The following GRIN2B variants were observed in gnomAD, a reference collection of about 807,000 sequenced individuals.
GRIN2B encodes the protein glutamate ionotropic receptor NMDA type subunit 2B.
GRIN2B carries 5 observed loss-of-function variants against 114.5 expected under a neutral mutation model. That is an observed-to-expected ratio of 0.04 (90% CI 0.02 to 0.09). The LOEUF (loss-of-function observed/expected upper bound fraction) is 0.09. Among genes scored for constraint, GRIN2B ranks in the 10% least tolerant of loss-of-function variants. The pLI, the probability that GRIN2B is intolerant of heterozygous loss-of-function variation, is 1.00. For missense variants in GRIN2B, 1,108 were observed against 1,943.5 expected (o/e 0.57, Z 8.08); for synonymous variants, 787 against 745.1 (o/e 1.06, Z -0.92).
In GRIN2B at chr12:13,562,980, C is replaced by G; in HGVS notation, c.4258G>C (p.Asp1420His). The change falls in exon 14 of 14, where the codon GAC (aspartate) becomes CAC (histidine). Residue 1420 changes from aspartate (D) to histidine (H), a missense_variant. By Grantham distance (81) the Asp-to-His change is moderately conservative. This residue lies in a region of GRIN2B where 478 missense variants were observed against 506.0 expected (regional missense o/e 0.94). Coordinates refer to ENST00000609686, the MANE Select transcript of GRIN2B (RefSeq NM_000834.5). ...TTGTTGGTGACAAGGGCCCGGAAGTCCGGCCTGGCTTTCGACGCCCCCGCC... is the reference window on the plus strand; with the variant it reads ...TTGTTGGTGACAAGGGCCCGGAAGTGCGGCCTGGCTTTCGACGCCCCCGCC... ...TVAGASKARP[D>H]FRALVTNKPV... 1 of 1,613,812 alleles carries G rather than the reference C, an allele frequency of 6.2e-7. No individual in the cohort carries two copies. The highest frequency in any genetic ancestry group is 8.5e-7 in the Non-Finnish European group (1 of 1,179,738).
At chr12:13,846,691 C>T (rs1176964867) in intron 3 of GRIN2B, among the ~76,000 whole-genome samples, 1 of 152,044 alleles carries the variant, frequency 6.6e-6, no homozygotes, top group Admixed American at 6.6e-5. Context: ...ACGAAGGGCC[C>T]AGAAACAGTG....
At chr12:13,976,806 T>C (rs1863028556) in intron 2 of GRIN2B, among the ~76,000 whole-genome samples, 1 of 152,226 alleles carries the variant, frequency 6.6e-6, no homozygotes, top group African/African-American at 2.4e-5. Flanking sequence ...CCAGGGTTTA[T>C]TGTATTCATG....
intron 3 of GRIN2B, among the ~76,000 whole-genome samples, chr12:13,785,667 A>G (rs928372868): frequency 1.3e-5 from 2 of 152,208 alleles, no homozygotes; most frequent in Admixed American, 6.5e-5. Context: ...AACACCAACG[A>G]CAATATTAAG....
intron 3 of GRIN2B, among the ~76,000 whole-genome samples, chr12:13,843,610 T>C (rs1591763154): frequency 6.6e-6 from 1 of 152,164 alleles, no homozygotes; most frequent in Admixed American, 6.5e-5. Context: ...GAACAGCTGG[T>C]AGTTGATAAA....
At chr12:13,866,581 T>G (rs1865832569) in intron 2 of GRIN2B, among the ~76,000 whole-genome samples, 1 of 152,190 alleles carries the variant, frequency 6.6e-6, no homozygotes, top group African/African-American at 2.4e-5. Context: ...ACCCTTGTAC[T>G]GTTCTTGGGC....
rs565057806 is a variant in GRIN2B at position 13,852,877 on chromosome 12, A to T, written c.411+12921T>A. ...CCCCATTCTTACACCCAGAATGAAT[A>T]AAAAAACAGCACCCTGCCAATACCT... On this transcript the variant is annotated intron_variant, in intron 3 of 13. Coordinates refer to ENST00000609686, the MANE Select transcript of GRIN2B (RefSeq NM_000834.5). Among the ~76,000 whole-genome samples, 6 of 152,138 alleles carry T rather than the reference A, an allele frequency of 3.9e-5. No individual in the cohort carries two copies. In the East Asian group the frequency reaches 9.7e-4, roughly 25 times the overall value.
At chr12:13,918,295 CT>C (rs574196751) in intron 2 of GRIN2B, among the ~76,000 whole-genome samples, 11 of 152,164 alleles carry the variant, frequency 7.2e-5, no homozygotes, top group Non-Finnish European at 1.5e-4. Flanking sequence ...GTCCTAAATA[CT>C]CAGGAGACTG....
At chr12:13,875,120 T>C (rs914150912) in intron 2 of GRIN2B, among the ~76,000 whole-genome samples, 2 of 152,182 alleles carry the variant, frequency 1.3e-5, no homozygotes, top group East Asian at 1.9e-4. Context: ...CCCCCATTCA[T>C]GTATCCACGT....
chr12:13,600,164 G>T (rs1949136489), intron 10 of GRIN2B, among the ~76,000 whole-genome samples: 2 of 152,096 alleles, frequency 1.3e-5, no homozygotes, highest in Non-Finnish European at 2.9e-5. Flanking sequence ...ATACAGAGCA[G>T]ATCCAGGACA....
At chr12:13,784,526 G>A (rs909758470) in intron 3 of GRIN2B, among the ~76,000 whole-genome samples, 4 of 151,926 alleles carry the variant, frequency 2.6e-5, no homozygotes, top group African/African-American at 7.3e-5. Flanking sequence ...ATGTGACTTC[G>A]CTGTCTCCCC....
At chr12:13,915,419 C>T (rs1866699730) in intron 2 of GRIN2B, among the ~76,000 whole-genome samples, 1 of 152,158 alleles carries the variant, frequency 6.6e-6, no homozygotes, top group East Asian at 1.9e-4. Flanking sequence ...AAACCATTTG[C>T]TGACCTCACT....
intron 2 of GRIN2B, among the ~76,000 whole-genome samples, chr12:13,963,894 AAT>A (rs1422617220): frequency 2.6e-5 from 4 of 152,210 alleles, no homozygotes; most frequent in Non-Finnish European, 5.9e-5. Flanking sequence ...CCCAGGACAA[AAT>A]AGAGACAAAT....
At chr12:13,611,612 C>A in intron 9 of GRIN2B, 113 bp downstream of exon 9, 3 of 1,051,086 alleles carry the variant, frequency 2.9e-6, no homozygotes, top group Non-Finnish European at 4.5e-6. Context: ...CCTGAGGGTT[C>A]CTTTTCAGAA....
intron 2 of GRIN2B, among the ~76,000 whole-genome samples, chr12:13,929,106 C>A (rs1189994312): frequency 1.3e-5 from 2 of 152,206 alleles, no homozygotes; most frequent in Admixed American, 6.5e-5. Flanking sequence ...TTCAGTGTGT[C>A]TAGCACATAA....
At chr12:13,647,638 G>T (rs1185943786) in intron 5 of GRIN2B, among the ~76,000 whole-genome samples, 1 of 152,062 alleles carries the variant, frequency 6.6e-6, no homozygotes, top group Non-Finnish European at 1.5e-5. Flanking sequence ...ACCCCTGAAA[G>T]AGCGGAGAGG....
chr12:13,619,689 T>C (rs1194871153), intron 5 of GRIN2B, among the ~76,000 whole-genome samples: 1 of 152,212 alleles, frequency 6.6e-6, no homozygotes, highest in African/African-American at 2.4e-5. Context: ...GTTGAGGGTA[T>C]AGATGTGCTA....
chr12:13,621,135 A>G (rs762341768), intron 5 of GRIN2B, among the ~76,000 whole-genome samples: 2 of 152,230 alleles, frequency 1.3e-5, no homozygotes, highest in East Asian at 3.8e-4. Context: ...ATTTCAAGCA[A>G]TCTTTCTCTC....
intron 4 of GRIN2B, among the ~76,000 whole-genome samples, chr12:13,681,215 T>A (rs183986359): frequency 6.6e-6 from 1 of 152,280 alleles, no homozygotes; most frequent in South Asian, 2.1e-4. Context: ...TTAAAATTAA[T>A]ATCTGCTAAT....
intron 2 of GRIN2B, among the ~76,000 whole-genome samples, chr12:13,958,453 A>G (rs116275697): frequency 2.7e-3 from 408 of 152,338 alleles, no homozygotes; most frequent in African/African-American, 9.5e-3. Flanking sequence ...ATGAGGTCAT[A>G]GATTTAAAAT....
Sources: gnomAD v4.1 joint callset for allele counts (sites outside exome capture counted in the v4.1 genomes callset) on GRCh38, gnomAD v4.1.1 for gene constraint, gnomAD v4.1.1 regional missense constraint, MANE v1.5 for transcripts, NCBI Gene and HGNC (gene_info 2026-07-23, HGNC 2026-07-21) for gene names.